COL25A1: variants seen among roughly 807,000 people sequenced by gnomAD.
COL25A1 encodes the protein collagen type XXV alpha 1 chain.
Under a neutral mutation model 128.4 loss-of-function variants are expected in COL25A1, and 103 were observed. The ratio of observed to expected loss-of-function variants is 0.80; its 90% CI spans 0.68 to 0.94. COL25A1 has a LOEUF of 0.94. COL25A1 is among the 40% of genes least tolerant of loss of function. The pLI is 0.00. For synonymous variants in COL25A1, 279 were observed against 277.2 expected, an observed-to-expected ratio of 1.01 and a Z score of -0.06; for missense variants, 745 against 840.0, an observed-to-expected ratio of 0.89 and a Z score of 1.40.
intron 3 of COL25A1, among the ~76,000 whole-genome samples, chr4:109,164,918 G>A (rs904668871): frequency 8.5e-5 from 13 of 152,090 alleles, no homozygotes; most frequent in Admixed American, 7.2e-4. Context: ...TACTAAGTCT[G>A]GTTGGATGTC....
At chr4:109,120,020 TA>T (rs1455008008) in intron 3 of COL25A1, among the ~76,000 whole-genome samples, 1 of 151,920 alleles carries the variant, frequency 6.6e-6, no homozygotes, top group Non-Finnish European at 1.5e-5. Flanking sequence ...AGCACAAGGC[TA>T]AAAAAGAAAA....
chr4:108,962,774 G>A (rs1266878360), intron 8 of COL25A1, among the ~76,000 whole-genome samples: 2 of 152,054 alleles, frequency 1.3e-5, no homozygotes, highest in Non-Finnish European at 2.9e-5. Flanking sequence ...ATTCATTTGT[G>A]CTAATAAAAC....
intron 3 of COL25A1, among the ~76,000 whole-genome samples, chr4:109,071,156 A>G (rs982344821): frequency 2.0e-4 from 31 of 152,152 alleles, no homozygotes; most frequent in African/African-American, 7.5e-4. Context: ...ATCTACAACC[A>G]TCTGATCTTT....
intron 8 of COL25A1, among the ~76,000 whole-genome samples, chr4:108,965,918 A>G (rs1751243892): frequency 6.6e-6 from 1 of 152,244 alleles, no homozygotes; most frequent in Non-Finnish European, 1.5e-5. Flanking sequence ...AACAAATTTC[A>G]TCCATCTGGT....
intron 13 of COL25A1, among the ~76,000 whole-genome samples, chr4:108,908,727 A>G (rs746418332): frequency 6.6e-6 from 1 of 152,140 alleles, no homozygotes; most frequent in Non-Finnish European, 1.5e-5. Flanking sequence ...TGTGCAGGAG[A>G]CCAGAGTTTT....
At chr4:108,978,914 C>T (rs1436244601) in intron 6 of COL25A1, among the ~76,000 whole-genome samples, 1 of 152,092 alleles carries the variant, frequency 6.6e-6, no homozygotes, top group African/African-American at 2.4e-5. Flanking sequence ...TTATAAGCCC[C>T]ACTTTAATAA....
intron 3 of COL25A1, among the ~76,000 whole-genome samples, chr4:109,270,834 C>A (rs1782142749): frequency 6.6e-6 from 1 of 152,174 alleles, no homozygotes; most frequent in Non-Finnish European, 1.5e-5. Flanking sequence ...AAATTAGAAT[C>A]TAAAGATCAT....
chr4:109,277,155 G>A (rs1436454338), intron 3 of COL25A1, among the ~76,000 whole-genome samples: 5 of 152,100 alleles, frequency 3.3e-5, no homozygotes, highest in African/African-American at 1.2e-4. Flanking sequence ...GAACAATATT[G>A]TTATTAATAT....
intron 5 of COL25A1, chr4:109,022,059 T>C (rs1757820825): frequency 2.4e-6 from 1 of 409,818 alleles, no homozygotes; most frequent in Non-Finnish European, 4.8e-6. Flanking sequence ...CTTTTGCCCC[T>C]TGAAGCATGT....
At chr4:108,950,482 C>T (rs1194543721) in intron 8 of COL25A1, among the ~76,000 whole-genome samples, 1 of 152,188 alleles carries the variant, frequency 6.6e-6, no homozygotes, top group African/African-American at 2.4e-5. Context: ...TCTGGCTAGC[C>T]ACTCTCAAAG....
intron 3 of COL25A1, among the ~76,000 whole-genome samples, chr4:109,187,230 T>C (rs908722064): frequency 1.0e-4 from 10 of 96,760 alleles, no homozygotes; most frequent in African/African-American, 3.6e-4. Context: ...CACACACACA[T>C]AATTAACTTT....
intron 26 of COL25A1, among the ~76,000 whole-genome samples, chr4:108,850,075 T>C (rs1439604082): frequency 2.0e-5 from 3 of 152,204 alleles, no homozygotes; most frequent in Admixed American, 2.0e-4. Flanking sequence ...AGAGTCTGAA[T>C]ACTTGTCAGC....
intron 3 of COL25A1, among the ~76,000 whole-genome samples, chr4:109,096,032 T>C (rs768578307): frequency 1.1e-4 from 17 of 152,182 alleles, no homozygotes; most frequent in Non-Finnish European, 1.9e-4. Flanking sequence ...CGAACGTGTC[T>C]GGAATTGGAA....
At chr4:109,275,301 G>A (rs969969999) in intron 3 of COL25A1, among the ~76,000 whole-genome samples, 1 of 152,134 alleles carries the variant, frequency 6.6e-6, no homozygotes, top group African/African-American at 2.4e-5. Flanking sequence ...AGGACCCCCT[G>A]TGAGCCTCTT....
In COL25A1 at chr4:108,889,752, G is replaced by C. The variant is rs202000448; in HGVS notation, c.907-19C>G. On this transcript the variant is annotated intron_variant, in intron 16 of 37. Transcript: ENST00000399132. ...GGTCACCCTAAAACGAAACCCAGGAGAGATTATCTCACAAGTTATGGGAAT... is the reference window on the plus strand; with the variant it reads ...GGTCACCCTAAAACGAAACCCAGGACAGATTATCTCACAAGTTATGGGAAT... 101 of 1,610,708 alleles carry C rather than the reference G, an allele frequency of 6.3e-5. No homozygotes were observed. The highest frequency in any genetic ancestry group is 7.6e-5 in the Non-Finnish European group (90 of 1,177,254).
chr4:109,118,752 G>C (rs1767840104), intron 3 of COL25A1, among the ~76,000 whole-genome samples: 1 of 151,938 alleles, frequency 6.6e-6, no homozygotes, highest in South Asian at 2.1e-4. Flanking sequence ...AGAATTGCAA[G>C]AAGAAATATA....
intron 20 of COL25A1, among the ~76,000 whole-genome samples, chr4:108,867,979 A>G (rs1738143057): frequency 6.6e-6 from 1 of 152,160 alleles, no homozygotes; most frequent in African/African-American, 2.4e-5. Flanking sequence ...GGTTTTCATT[A>G]TAGAATATTT....
intron 12 of COL25A1, among the ~76,000 whole-genome samples, chr4:108,919,098 A>G (rs1279394754): frequency 1.3e-5 from 2 of 152,216 alleles, no homozygotes; most frequent in Non-Finnish European, 2.9e-5. Flanking sequence ...GATTTTTCTG[A>G]TATTACATTT....
chr4:108,852,479 T>C (rs559180749), intron 25 of COL25A1, among the ~76,000 whole-genome samples, 199 bp from the exon 26 acceptor site: 1 of 152,224 alleles, frequency 6.6e-6, no homozygotes, highest in East Asian at 1.9e-4. Flanking sequence ...ATTAACACAT[T>C]TGAGGTCAAA....
Sources: gnomAD v4.1 joint callset for allele counts (sites outside exome capture counted in the v4.1 genomes callset) on GRCh38, gnomAD v4.1.1 for gene constraint, MANE v1.5 for transcripts, NCBI Gene and HGNC (gene_info 2026-07-23, HGNC 2026-07-21) for gene names.